Variants in TEAD2 observed in about 807,000 individuals in gnomAD.
The protein encoded by TEAD2 is TEA domain transcription factor 2.
Under a neutral mutation model 61.4 loss-of-function variants are expected in TEAD2, and 51 were observed. The ratio of observed to expected loss-of-function variants is 0.83; its 90% CI spans 0.66 to 1.05. The LOEUF (loss-of-function observed/expected upper bound fraction) is 1.05. TEAD2 is among the 50% of genes least tolerant of loss of function. The probability of loss-of-function intolerance (pLI) is 0.00; values close to 1 mark genes in which losing one functional copy is unlikely to be tolerated. For synonymous variants in TEAD2, 244 were observed against 243.2 expected (o/e 1.00, Z -0.03); for missense variants, 509 against 600.0 (o/e 0.85, Z 1.58).
chr19:49,345,827 G>A (rs1239860787), intron 10 of TEAD2, among the ~76,000 whole-genome samples: 2 of 151,122 alleles, frequency 1.3e-5, no homozygotes, highest in East Asian at 3.9e-4. Flanking sequence ...TCAGGAGTTC[G>A]AGACCAGACT....
chr19:49,359,755 C>G lies in TEAD2; in HGVS notation c.232+89G>C. 1 of 1,350,720 alleles carries G rather than the reference C, an allele frequency of 7.4e-7. No individual in the cohort carries two copies. Among genetic ancestry groups the G allele is most frequent in the Non-Finnish European group, 1.0e-6 (1 of 964,806 alleles). 83.7% of individuals were successfully genotyped at this position (1,350,720 alleles called of 1,614,324 possible). ...TTCCTCATCTGTGCAAATGGTGATG[C>G]TAGCTCCTACTTCAGAGTGCTCCAT... On this transcript the variant is annotated intron_variant, in intron 2 of 12. Coordinates refer to ENST00000593945, the MANE Select transcript of TEAD2 (RefSeq NM_001256660.2). This position sits in a 1 kb window ranked among gnomAD's most constrained non-coding sequence, Gnocchi z 4.1.
intron 3 of TEAD2, 171 bp from the exon 4 acceptor site, chr19:49,357,485 G>C: frequency 1.4e-6 from 1 of 701,470 alleles, no homozygotes; most frequent in Admixed American, 2.2e-5. Flanking sequence ...CCATAAAGGA[G>C]CTCGTGAACA....
In TEAD2 at chr19:49,351,048, G is replaced by A. The variant is rs2059879; in HGVS notation, c.604+253C>T. On this transcript the variant is annotated intron_variant, in intron 8 of 12. Transcript: ENST00000593945. ...ACAAAAATTAGCCCGGCATGGTGGC[G>A]GGCACCTGTAATCCCAGCCACTCGG... Among the ~76,000 whole-genome samples the A allele has an allele frequency of 4.3e-3, 656 of 152,046 alleles. 10 individuals carry two copies. Among genetic ancestry groups the A allele is most frequent in the African/African-American group, 0.015 (606 of 41,488 alleles).
chr19:49,344,800 C>G (rs773295102), intron 10 of TEAD2, among the ~76,000 whole-genome samples: 2 of 152,130 alleles, frequency 1.3e-5, no homozygotes, highest in Non-Finnish European at 2.9e-5. Context: ...CCCCCTCGGC[C>G]AAATCTGAGA....
chr19:49,343,854 T>G (rs61318211), intron 10 of TEAD2, among the ~76,000 whole-genome samples: 4 of 111,206 alleles, frequency 3.6e-5, no homozygotes, highest in African/African-American at 1.3e-4. Flanking sequence ...GTCTTTTTTT[T>G]TGGGGGGGGG....
intron 4 of TEAD2, 39 bp downstream of exon 4, chr19:49,357,210 CAGT>C: frequency 6.3e-7 from 1 of 1,576,508 alleles, no homozygotes; most frequent in South Asian, 1.1e-5. Flanking sequence ...CCCCCACCCC[CAGT>C]CTCTGTCCCC....
intron 4 of TEAD2, among the ~76,000 whole-genome samples, chr19:49,356,933 CCT>C (rs1295435898): frequency 3.3e-5 from 5 of 152,048 alleles, no homozygotes; most frequent in African/African-American, 7.2e-5. Context: ...TCTCTGTCCC[CCT>C]CTGTCTCTGG....
rs1467704709 is a variant in TEAD2 at position 49,340,608 on chromosome 19, A to C, written c.*716T>G. 1 of 571,424 alleles carries C rather than the reference A, an allele frequency of 1.8e-6. No homozygotes were observed. Among genetic ancestry groups the C allele is most frequent in the Non-Finnish European group, 3.1e-6 (1 of 318,708 alleles). 35.4% of individuals were successfully genotyped at this position (571,424 alleles called of 1,614,324 possible). Reference sequence around the variant, plus strand: ...AAATCCCCTGCGTTTTTGGTAAAATAGCTTTATCCTCTGTCAGAACACAAA... The same window carrying C: ...AAATCCCCTGCGTTTTTGGTAAAATCGCTTTATCCTCTGTCAGAACACAAA... On this transcript the variant is annotated 3_prime_UTR_variant, in exon 13 of 13. Transcript: ENST00000593945.
Position 49,341,404 on chromosome 19 carries a change from G to A in TEAD2, c.1276C>T (p.Leu426Phe), listed in dbSNP as rs747255660. 2 of 1,613,944 alleles carry A rather than the reference G, an allele frequency of 1.2e-6. No individual in the cohort carries two copies. The highest frequency in any genetic ancestry group is 8.5e-7 in the Non-Finnish European group (1 of 1,179,960). ...VTNRDTQELL[L>F]CTAYVFEVST... is the part of the protein sequence containing the mutation. ...ACCTCGAAGACATAGGCGGTGCAGA[G>A]CAGCAGTTCCTGGGTGTCTCTGTTT... Residue 426 changes from leucine to phenylalanine, a missense_variant, in exon 13 of 13, where the codon CTC becomes TTC. Physicochemically the swap from Leu to Phe is conservative, Grantham distance 22. Transcript: ENST00000593945. This position sits in a 1 kb window ranked among gnomAD's most constrained non-coding sequence, Gnocchi z 4.2.
intron 5 of TEAD2, 48 bp downstream of exon 5, chr19:49,355,911 C>T: frequency 7.7e-7 from 1 of 1,293,460 alleles, no homozygotes; most frequent in Non-Finnish European, 9.8e-7. Flanking sequence ...AGGGACAGGG[C>T]ACTAGTTTGG....
chr19:49,355,626 G>T (rs1295269277), intron 5 of TEAD2, among the ~76,000 whole-genome samples: 1 of 152,008 alleles, frequency 6.6e-6, no homozygotes, highest in East Asian at 1.9e-4. Flanking sequence ...CAGGAGTTCA[G>T]TATCAGCCTG....
intron 8 of TEAD2, among the ~76,000 whole-genome samples, chr19:49,350,573 G>A (rs1224160384): frequency 6.6e-6 from 1 of 152,112 alleles, no homozygotes; most frequent in Non-Finnish European, 1.5e-5. Flanking sequence ...GACCTCAGGT[G>A]ATCCACCCGC....
intron 7 of TEAD2, among the ~76,000 whole-genome samples, chr19:49,352,389 A>T (rs1430017716): frequency 3.3e-5 from 5 of 152,172 alleles, no homozygotes; most frequent in Non-Finnish European, 7.3e-5. Context: ...CTAGTAGCCC[A>T]AGAGATAGTG....
At chr19:49,354,076 G>A in intron 7 of TEAD2, among the ~76,000 whole-genome samples, 1 of 151,056 alleles carries the variant, frequency 6.6e-6, no homozygotes, top group East Asian at 2.0e-4. Context: ...GGGATTACAG[G>A]CGTGAGCCAC....
chr19:49,347,307 C>G lies in TEAD2; in HGVS notation c.804G>C (p.Pro268=). 6.2e-7 allele frequency: 1 copy of G among 1,613,520 alleles called. No homozygotes were observed. The highest frequency in any genetic ancestry group is 1.1e-5 in the South Asian group (1 of 91,078). The change falls in exon 10 of 13, where the codon CCG becomes CCC. Residue 268 remains proline (P), a synonymous_variant. Coordinates refer to ENST00000593945, the MANE Select transcript of TEAD2 (RefSeq NM_001256660.2). ...ISQHCPSPGA[P]PLESVDVRQI... ...GCCGGACGTCCACACTCTCGAGCGG[C>G]GGCGCTCCGGGGCTGGGGCAGTGCT...
rs1971298375 is a variant in TEAD2 at position 49,341,900 on chromosome 19, G to C, written c.1243-463C>G. ...GGAAGGAGGGACCCACCTTATGTGC[G>C]AGTGCTGTGGGGCTGGGCGTGGTGG... On this transcript the variant is annotated intron_variant, in intron 12 of 12. Transcript: ENST00000593945. This position sits in a 1 kb window ranked among gnomAD's most constrained non-coding sequence, Gnocchi z 4.2. Among the ~76,000 whole-genome samples, 1 of 152,086 alleles carries C rather than the reference G, an allele frequency of 6.6e-6. No homozygotes were observed. Among genetic ancestry groups the C allele is most frequent in the African/African-American group, 2.4e-5 (1 of 41,436 alleles).
At chr19:49,352,728 C>T (rs968256903) in intron 7 of TEAD2, among the ~76,000 whole-genome samples, 1 of 152,024 alleles carries the variant, frequency 6.6e-6, no homozygotes, top group East Asian at 1.9e-4. Flanking sequence ...TTAGTAGAGA[C>T]GGGGTTTCAC....
intron 7 of TEAD2, among the ~76,000 whole-genome samples, chr19:49,354,823 AC>A (rs1347294592): frequency 6.6e-6 from 1 of 151,524 alleles, no homozygotes; most frequent in Non-Finnish European, 1.5e-5. Context: ...CGTGGTGAAA[AC>A]CCATCTCTAC....
At chr19:49,348,400 C>T (rs1251812747) in intron 9 of TEAD2, among the ~76,000 whole-genome samples, 1 of 152,176 alleles carries the variant, frequency 6.6e-6, no homozygotes, top group African/African-American at 2.4e-5. Context: ...TGAATGATGT[C>T]CTGGGGAGCT....
Sources: gnomAD v4.1 joint callset for allele counts (sites outside exome capture counted in the v4.1 genomes callset) on GRCh38, gnomAD v4.1.1 for gene constraint, Gnocchi (gnomAD v3.1) non-coding constraint, MANE v1.5 for transcripts, NCBI Gene and HGNC (gene_info 2026-07-23, HGNC 2026-07-21) for gene names.